The following TTN variants were observed in gnomAD, a reference collection of about 807,000 sequenced individuals.
TTN encodes the protein titin, also known as connectin.
Under a neutral mutation model 3,223.0 loss-of-function variants are expected in TTN, and 1,525 were observed. The ratio of observed to expected loss-of-function variants is 0.47; its 90% CI spans 0.45 to 0.49. The LOEUF is 0.49. Ranked by LOEUF, TTN falls within the 20% of genes least tolerant of loss-of-function variation. The probability of loss-of-function intolerance (pLI) is 0.00; values close to 1 mark genes in which losing one functional copy is unlikely to be tolerated. For missense variants in TTN, 40,786 were observed against 43,424.0 expected (o/e 0.94, Z 5.40); for synonymous variants, 14,094 against 15,161.0 (o/e 0.93, Z 5.17).
Position 178,592,196 on chromosome 2 carries a change from T to A in TTN, c.59708A>T (p.Asp19903Val). The change falls in exon 302 of 363, where the codon GAT (aspartate) becomes GTT (valine). Residue 19903 changes from aspartate to valine, a missense_variant. Transcript: ENST00000589042. ...SCYLTWKEPL[D>V]DGGSVITNYV... is the part of the protein sequence containing the mutation. ...ATTGGTAATAACAGAACCACCATCA[T>A]CCAGTGGTTCTTTCCAAGTAAGGTA... 4 of 1,612,146 alleles carry A rather than the reference T, an allele frequency of 2.5e-6. No homozygotes were observed. Among genetic ancestry groups the A allele is most frequent in the Non-Finnish European group, 3.4e-6 (4 of 1,179,044 alleles).
chr2:178,580,224 G>C lies in TTN; in HGVS notation c.67063C>G (p.Pro22355Ala), dbSNP rs794729481. The C allele has an allele frequency of 6.2e-7, 1 of 1,612,164 alleles. No homozygotes were observed. Among genetic ancestry groups the C allele is most frequent in the Admixed American group, 1.7e-5 (1 of 59,818 alleles). Residue 22355 changes from proline (P) to alanine (A), a missense_variant, in exon 318 of 363, where the codon CCT becomes GCT. Transcript: ENST00000589042. ...YTIVVKVLDTPGPPVNVTVKE... is the reference protein window; with the variant it reads ...YTIVVKVLDTAGPPVNVTVKE... Reference sequence around the variant, plus strand: ...ACAGTCACATTGACAGGTGGCCCAGGAGTATCTGGATAAATAGTAGGTAAA... The same window carrying C: ...ACAGTCACATTGACAGGTGGCCCAGCAGTATCTGGATAAATAGTAGGTAAA...
At position 178,539,976 on chromosome 2, in the gene TTN, A is replaced by C. The variant is rs1413401459; in HGVS notation, c.98099-10T>G. 1.2e-6 allele frequency: 2 copies of C among 1,609,794 alleles called. No homozygotes were observed. Among genetic ancestry groups the C allele is most frequent in the African/African-American group, 2.7e-5 (2 of 74,688 alleles). On this transcript the variant is annotated splice_polypyrimidine_tract_variant and intron_variant, in intron 351 of 362. Coordinates refer to ENST00000589042, the MANE Select transcript of TTN (RefSeq NM_001267550.2). Reference sequence around the variant, plus strand: ...TCATAATCAGGATATTCTGGAAAAAAAGGTAGGGTTTCAATTTAGCATTTG... The same window carrying C: ...TCATAATCAGGATATTCTGGAAAAACAGGTAGGGTTTCAATTTAGCATTTG...
chr2:178,647,049 T>C lies in TTN; in HGVS notation c.40222+15A>G. 2 of 906,228 alleles carry C rather than the reference T, an allele frequency of 2.2e-6. No individual in the cohort carries two copies. The allele number at this position is 906,228 out of a possible 1,614,324, so 56.1% of individuals were successfully genotyped here. A position where few individuals can be genotyped will look rare whatever the true frequency, so the allele number is the denominator to read the frequency against. ...AGGAGATTAAAAAAATGTATATATA[T>C]ATATATATATATACCTTCAACAGGG... On this transcript the variant is annotated intron_variant, in intron 215 of 362. Transcript: ENST00000589042.
At position 178,768,677 on chromosome 2, in the gene TTN, C is replaced by T; in HGVS notation, c.9159G>A (p.Val3053=). ...GKATSTATLY[V]EARHIEFRKH... ...CTAATATGTATGAAACCATACCTTC[C>T]ACATAAAGTGTGGCTGTTGATGTTG... Residue 3053 remains valine, a synonymous_variant, in exon 38 of 363, where the codon GTG becomes GTA. Transcript: ENST00000589042. The T allele has an allele frequency of 6.2e-7, 1 of 1,613,986 alleles. No individual in the cohort carries two copies. The highest frequency in any genetic ancestry group is 8.5e-7 in the Non-Finnish European group (1 of 1,179,982).
chr2:178,698,933 AAAAAAAAAG>A lies in TTN; in HGVS notation c.30683-28_30683-20del. The A allele has an allele frequency of 1.4e-6, 2 of 1,470,156 alleles. No individual in the cohort carries two copies. Among genetic ancestry groups the A allele is most frequent in the South Asian group, 1.4e-5 (1 of 71,436 alleles). The allele number at this position is 1,470,156 out of a possible 1,614,324, so 91.1% of individuals were successfully genotyped here. On this transcript the variant is annotated intron_variant, in intron 111 of 362. Coordinates refer to ENST00000589042, the MANE Select transcript of TTN (RefSeq NM_001267550.2). Reference sequence around the variant, plus strand: ...TTGGTAACTAAAAAAAAAAAAAAAGAAAAAAAAAGAAAAAATATTTCTGGTGTAAGTAAC... The same window carrying A: ...TTGGTAACTAAAAAAAAAAAAAAAGAAAAAAATATTTCTGGTGTAAGTAAC...
chr2:178,703,490 GC>G (rs2075343310), intron 106 of TTN, among the ~76,000 whole-genome samples: 1 of 152,122 alleles, frequency 6.6e-6, no homozygotes, highest in Admixed American at 6.5e-5. Context: ...TTGTGTTTCA[GC>G]AACTACGAAT....
chr2:178,589,175 A>C lies in TTN; in HGVS notation c.62550T>G (p.Ala20850=), dbSNP rs2154183630. Residue 20850 remains alanine (A), a synonymous_variant, in exon 304 of 363, where the codon GCT becomes GCG. Transcript: ENST00000589042. ...GKYVVTATNT[A]GSFVAYATVN... ...CAGTGGCATAGGCCACAAAACTGCCAGCCGTGTTAGTTGCCGTAACTACAT... is the reference window on the plus strand; with the variant it reads ...CAGTGGCATAGGCCACAAAACTGCCCGCCGTGTTAGTTGCCGTAACTACAT... The C allele has an allele frequency of 6.2e-7, 1 of 1,613,516 alleles. No homozygotes were observed. The highest frequency in any genetic ancestry group is 8.5e-7 in the Non-Finnish European group (1 of 1,179,632).
In TTN at chr2:178,800,453, T is replaced by A. The variant is rs527369362; in HGVS notation, c.525A>T (p.Ser175=). ...EAYPEDSGTY[S]VNATNSVGRA... ...TTCCAACGCTATTGGTGGCATTTAC[T>A]GAATAGGTCCCTGAGTCCTCAGGGT... is the stretch of plus-strand genomic sequence containing the variant. The change falls in exon 4 of 363, where the codon TCA becomes TCT. Residue 175 remains serine, a synonymous_variant. Coordinates refer to ENST00000589042, the MANE Select transcript of TTN (RefSeq NM_001267550.2). The A allele has an allele frequency of 4.3e-6, 7 of 1,614,186 alleles. No individual in the cohort carries two copies. In the South Asian group the frequency reaches 7.7e-5, roughly 18 times the overall value.
rs397517627 is a variant in TTN at position 178,598,768 on chromosome 2, G to A, written c.56942C>T (p.Ala18981Val). ...CTTACCAATTGGATCTCTAGCAGTC[G>A]CTGGGTCTGATGGCAGACTTGCTGG... Reference protein sequence around the residue: ...VGPASLPSDPATARDPIAPPG... With the variant: ...VGPASLPSDPVTARDPIAPPG... Residue 18981 changes from alanine to valine, a missense_variant, in exon 291 of 363, where the codon GCG becomes GTG. By Grantham distance (64) the Ala-to-Val change is moderately conservative. Transcript: ENST00000589042. 2.4e-4 allele frequency: 384 copies of A among 1,612,952 alleles called. No individual in the cohort carries two copies. The highest frequency in any genetic ancestry group is 3.2e-4 in the Non-Finnish European group (376 of 1,179,440).
chr2:178,668,732 T>C (rs1275401686), intron 159 of TTN, among the ~76,000 whole-genome samples: 2 of 131,436 alleles, frequency 1.5e-5, no homozygotes, highest in Non-Finnish European at 3.2e-5. Flanking sequence ...AGATTCCATC[T>C]CAAAAAAAAA....
intron 223 of TTN, 63 bp downstream of exon 223, chr2:178,639,636 G>A (rs2060959466): frequency 6.6e-7 from 1 of 1,505,600 alleles, no homozygotes. Flanking sequence ...TTTTAATCAA[G>A]TGTGAATACT....
chr2:178,560,148 C>G lies in TTN; in HGVS notation c.85984G>C (p.Asp28662His). The change falls in exon 326 of 363, where the codon GAC becomes CAC. Residue 28662 changes from aspartate (D) to histidine (H), a missense_variant. Transcript: ENST00000589042. Reference sequence around the variant, plus strand: ...ATAGTTATAGTTGTCTTGCCTGAGTCCACAATTTTGGGTTTGGATGGAGGA... The same window carrying G: ...ATAGTTATAGTTGTCTTGCCTGAGTGCACAATTTTGGGTTTGGATGGAGGA... ...PSPPSKPKIV[D>H]SGKTTITIAW... 1 of 1,613,590 alleles carries G rather than the reference C, an allele frequency of 6.2e-7. No homozygotes were observed. Among genetic ancestry groups the G allele is most frequent in the Non-Finnish European group, 8.5e-7 (1 of 1,179,682 alleles).
Position 178,537,855 on chromosome 2 carries a change from C to T in TTN, c.99352G>A (p.Ala33118Thr). The change falls in exon 355 of 363, where the codon GCT becomes ACT. Residue 33118 changes from alanine to threonine, a missense_variant. Physicochemically the swap from Ala to Thr is moderately conservative, Grantham distance 58. Coordinates refer to ENST00000589042, the MANE Select transcript of TTN (RefSeq NM_001267550.2). ...CCAACAATCTGGCATGAGAGTTGAG[C>T]AGCTTCACCCAATTTTGTGGTAACA... Reference protein sequence around the residue: ...KDVTTKLGEAAQLSCQIVGRP... With the variant: ...KDVTTKLGEATQLSCQIVGRP... The T allele has an allele frequency of 6.2e-7, 1 of 1,613,478 alleles. No homozygotes were observed. The highest frequency in any genetic ancestry group is 8.5e-7 in the Non-Finnish European group (1 of 1,179,600).
chr2:178,711,235 C>T lies in TTN; in HGVS notation c.28001G>A (p.Trp9334Ter), dbSNP rs1057519160. The T allele has an allele frequency of 6.2e-7, 1 of 1,613,800 alleles. No individual in the cohort carries two copies. The highest frequency in any genetic ancestry group is 8.5e-7 in the Non-Finnish European group (1 of 1,179,814). Residue 9334 changes from tryptophan to a stop codon, truncating the protein, a stop_gained, in exon 97 of 363, where the codon TGG becomes TAG. Transcript: ENST00000589042. LOFTEE classifies it high-confidence loss of function. ...TTTCAATGGCTTGCCGTCTTTATAC[C>T]AAGACACGGAGATAGGTTCTGATCC... ...ISGSEPISVS[W>*]YKDGKPLKDS... is the part of the protein sequence containing the mutation.
rs1435419414 is a variant in TTN, at chr2:178,728,803, T to A, written c.19148-25A>T. 7 of 1,584,780 alleles carry A rather than the reference T, an allele frequency of 4.4e-6. No homozygotes were observed. In the Admixed American group the frequency reaches 6.9e-5, roughly 16 times the overall value. On this transcript the variant is annotated intron_variant, in intron 65 of 362. Coordinates refer to ENST00000589042, the MANE Select transcript of TTN (RefSeq NM_001267550.2). Reference sequence around the variant, plus strand: ...TCTGTAGTAAAAATGAAAATGTGGATGAGTTACATTGGTAACTCCACTAGA... The same window carrying A: ...TCTGTAGTAAAAATGAAAATGTGGAAGAGTTACATTGGTAACTCCACTAGA...
rs187792775 is a variant in TTN at position 178,695,898 on chromosome 2, C to T, written c.31174G>A (p.Glu10392Lys). The part of the protein sequence containing the change: ...EEWEEAYQER[E>K]VIQVQKEVYE... ...ACCTCCTTTTGAACTTGAATTACTT[C>T]CCTTTCTTGGTAAGCCTCTTCCCAC... Residue 10392 changes from glutamate (E) to lysine (K), a missense_variant, in exon 114 of 363, where the codon GAA (glutamate) becomes AAA (lysine). Physicochemically the swap from Glu to Lys is moderately conservative, Grantham distance 56 (BLOSUM62 1). Transcript: ENST00000589042. The T allele has an allele frequency of 2.7e-5, 40 of 1,461,258 alleles. No individual in the cohort carries two copies. The highest frequency in any genetic ancestry group is 5.7e-5 in the African/African-American group (4 of 69,874). The allele number at this position is 1,461,258 out of a possible 1,614,324, so 90.5% of individuals were successfully genotyped here.
Position 178,747,929 on chromosome 2 carries a change from C to CTATGGAGTGTG in TTN, c.11311+5184_11311+5194dup, listed in dbSNP as rs869312088. On this transcript the variant is annotated intron_variant, in intron 47 of 362. Transcript: ENST00000589042. ...GAAGCACTGACTCAGGGAGAGCTGT[C>CTATGGAGTGTG]TATGGAGTGTGTCAGCTTCCTGAAC... is the stretch of plus-strand genomic sequence containing the variant. 4 of 1,613,086 alleles carry CTATGGAGTGTG rather than the reference C, an allele frequency of 2.5e-6. No homozygotes were observed. The highest frequency in any genetic ancestry group is 3.4e-6 in the Non-Finnish European group (4 of 1,179,468).
At chr2:178,749,311 C>G in intron 47 of TTN, 1 of 1,612,100 alleles carries the variant, frequency 6.2e-7, no homozygotes, top group Non-Finnish European at 8.5e-7. Context: ...TTACATGTCT[C>G]TCTTTCCCTT....
intron 135 of TTN, 86 bp from the exon 136 acceptor site, chr2:178,681,824 A>G: frequency 8.3e-7 from 1 of 1,206,062 alleles, no homozygotes; most frequent in Non-Finnish European, 1.2e-6. Flanking sequence ...AATTGAAATA[A>G]TATCTTTTAT....
Sources: allele counts gnomAD v4.1 joint callset (sites outside exome capture counted in the v4.1 genomes callset), GRCh38; gene constraint gnomAD v4.1.1; transcripts MANE v1.5; gene names NCBI Gene and HGNC (gene_info 2026-07-23, HGNC 2026-07-21).